RMND1: variants seen among roughly 807,000 people sequenced by gnomAD.
RMND1 encodes the protein required for meiotic nuclear division protein 1 homolog.
A neutral mutation model predicts 54.0 loss-of-function variants in RMND1; 41 were observed. The observed-to-expected ratio is 0.76, with a 90% CI of 0.59 to 0.98. RMND1 has a LOEUF of 0.98. Among genes scored for constraint, RMND1 ranks in the 50% least tolerant of loss-of-function variants. The probability of loss-of-function intolerance (pLI) is 0.00; values close to 1 mark genes in which losing one functional copy is unlikely to be tolerated. For missense variants in RMND1, 457 were observed against 532.0 expected (o/e 0.86, Z 1.39); for synonymous variants, 183 against 181.7 (o/e 1.01, Z -0.06).
rs201067360 is a variant in RMND1, at chr6:151,407,164, CTG to C, written c.1201-1330_1201-1329del. Among the ~76,000 whole-genome samples the C allele has an allele frequency of 9.6e-3, 1,464 of 151,950 alleles. 24 individuals carry two copies. The highest frequency in any genetic ancestry group is 0.034 in the African/African-American group (1,401 of 41,420). On this transcript the variant is annotated intron_variant, in intron 10 of 11. Transcript: ENST00000444024. ...GTGAGATCCTGTCTCCAAAAAAAAACTGTCTTACTCACAGAACCACAGGACTA... is the reference window on the plus strand; with the variant it reads ...GTGAGATCCTGTCTCCAAAAAAAAACTCTTACTCACAGAACCACAGGACTA...
At chr6:151,433,096 G>A in intron 4 of RMND1, 59 bp downstream of exon 4, 1 of 1,038,512 alleles carries the variant, frequency 9.6e-7, no homozygotes, top group Non-Finnish European at 1.5e-6. Flanking sequence ...CACCTTTAAA[G>A]ACCACAATTA....
In RMND1 at chr6:151,405,116, C is replaced by A; in HGVS notation, c.*119G>T. On this transcript the variant is annotated 3_prime_UTR_variant, in exon 12 of 12. Coordinates refer to ENST00000444024, the MANE Select transcript of RMND1 (RefSeq NM_017909.4). Reference sequence around the variant, plus strand: ...GCTCCTGATCTCATCTCAAGCCACCCTTCTTGGCCTCCGAAAGTGCTGGGA... The same window carrying A: ...GCTCCTGATCTCATCTCAAGCCACCATTCTTGGCCTCCGAAAGTGCTGGGA... The A allele has an allele frequency of 3.7e-6, 3 of 813,506 alleles. No individual in the cohort carries two copies. The highest frequency in any genetic ancestry group is 2.6e-5 in the East Asian group (1 of 37,768). The allele number at this position is 813,506 out of a possible 1,614,324, so 50.4% of individuals were successfully genotyped here.
At chr6:151,427,055 G>A (rs950432794) in intron 6 of RMND1, among the ~76,000 whole-genome samples, 1 of 151,892 alleles carries the variant, frequency 6.6e-6, no homozygotes, top group African/African-American at 2.4e-5. Flanking sequence ...ACAGGTGTGA[G>A]CTACCACGCC....
At position 151,423,550 on chromosome 6, in the gene RMND1, A is replaced by G. The variant is rs770812215; in HGVS notation, c.912T>C (p.Ala304=). ...DLDDAILEKF[A]FSNALCLSVK... The stretch of plus-strand genomic sequence containing the variant: ...CAGAAAGGCATAGAGCATTGGAGAA[A>G]GCAAACTTCTCTAGAATGGCATCAT... The change falls in exon 7 of 12, where the codon GCT becomes GCC. Residue 304 remains alanine (A), a synonymous_variant. Transcript: ENST00000444024. The G allele has an allele frequency of 6.2e-7, 1 of 1,613,562 alleles. No individual in the cohort carries two copies. The highest frequency in any genetic ancestry group is 1.1e-5 in the South Asian group (1 of 91,068).
chr6:151,443,852 G>A (rs1034461065), intron 2 of RMND1, among the ~76,000 whole-genome samples: 1 of 152,204 alleles, frequency 6.6e-6, no homozygotes. Context: ...CCCAGGAGGA[G>A]TTCCTCTTTT....
At position 151,405,119 on chromosome 6, in the gene RMND1, C is replaced by A; in HGVS notation, c.*116G>T. ...CCTGATCTCATCTCAAGCCACCCTT[C>A]TTGGCCTCCGAAAGTGCTGGGATTA... On this transcript the variant is annotated 3_prime_UTR_variant, in exon 12 of 12. Transcript: ENST00000444024. 3 of 847,922 alleles carry A rather than the reference C, an allele frequency of 3.5e-6. No individual in the cohort carries two copies. Among genetic ancestry groups the A allele is most frequent in the South Asian group, 1.5e-5 (1 of 65,504 alleles). The allele number at this position is 847,922 out of a possible 1,614,324, so 52.5% of individuals were successfully genotyped here. A position where few individuals can be genotyped will look rare whatever the true frequency, so the allele number is the denominator to read the frequency against.
At chr6:151,407,402 C>T (rs1213472645) in intron 10 of RMND1, among the ~76,000 whole-genome samples, 1 of 152,124 alleles carries the variant, frequency 6.6e-6, no homozygotes, top group Non-Finnish European at 1.5e-5. Context: ...CTTCTCTCTT[C>T]AGACTACTGA....
intron 2 of RMND1, among the ~76,000 whole-genome samples, chr6:151,442,730 G>C (rs922363739): frequency 6.6e-6 from 1 of 150,574 alleles, no homozygotes; most frequent in South Asian, 2.1e-4. Context: ...TTTAGAAATG[G>C]GAGTCTTGCT....
At chr6:151,426,032 C>T (rs776671737) in intron 6 of RMND1, among the ~76,000 whole-genome samples, 7 of 151,456 alleles carry the variant, frequency 4.6e-5, no homozygotes, top group Non-Finnish European at 1.0e-4. Flanking sequence ...CAACCTCTGC[C>T]TCCCAGGTTC....
intron 2 of RMND1, among the ~76,000 whole-genome samples, chr6:151,438,610 C>A (rs1780682044): frequency 6.6e-6 from 1 of 152,100 alleles, no homozygotes; most frequent in Non-Finnish European, 1.5e-5. Flanking sequence ...AGAGATTTCA[C>A]ACAAAATCCA....
chr6:151,430,256 T>G lies in RMND1; in HGVS notation c.690-79A>C, dbSNP rs192929168. The G allele has an allele frequency of 1.6e-5, 16 of 992,434 alleles. No homozygotes were observed. In the Admixed American group the frequency reaches 2.0e-4, roughly 13 times the overall value. 61.5% of individuals were successfully genotyped at this position (992,434 alleles called of 1,614,324 possible). On this transcript the variant is annotated intron_variant, in intron 4 of 11. Transcript: ENST00000444024. The stretch of plus-strand genomic sequence containing the variant: ...AGGGTCGTATATAAAACCATGTAAC[T>G]TCTAGAATGTATACAGGATGCGATT...
chr6:151,447,172 C>T (rs548370643), intron 1 of RMND1, among the ~76,000 whole-genome samples: 35 of 152,090 alleles, frequency 2.3e-4, no homozygotes, highest in Middle Eastern at 6.8e-3. Context: ...CTCCCCATCT[C>T]GGGGAGGTAG....
intron 3 of RMND1, among the ~76,000 whole-genome samples, chr6:151,433,826 T>G (rs1302720989): frequency 3.0e-5 from 4 of 132,882 alleles, no homozygotes; most frequent in African/African-American, 5.1e-5. Context: ...AAAAAAAAAG[T>G]TTTTTTTTTG....
chr6:151,407,655 C>G (rs1357598224), intron 10 of RMND1, among the ~76,000 whole-genome samples: 1 of 152,146 alleles, frequency 6.6e-6, no homozygotes, highest in African/African-American at 2.4e-5. Context: ...TGCCTATAAT[C>G]ACAACACTTC....
At chr6:151,449,638 C>T (rs932664509) in intron 1 of RMND1, among the ~76,000 whole-genome samples, 1 of 151,840 alleles carries the variant, frequency 6.6e-6, no homozygotes, top group East Asian at 1.9e-4. Flanking sequence ...AGCCCTCTCC[C>T]TCTCCCTCCT....
intron 10 of RMND1, among the ~76,000 whole-genome samples, chr6:151,410,350 C>T (rs547661110): frequency 1.6e-4 from 24 of 152,120 alleles, no homozygotes; most frequent in Non-Finnish European, 2.6e-4. Flanking sequence ...CCACCGCACC[C>T]GGCCTGTTCC....
At chr6:151,428,464 A>G (rs907852563) in intron 5 of RMND1, among the ~76,000 whole-genome samples, 3 of 152,180 alleles carry the variant, frequency 2.0e-5, no homozygotes, top group African/African-American at 7.2e-5. Context: ...CACTTGTGCA[A>G]AGGTCTTCAT....
intron 2 of RMND1, 29 bp from the exon 3 acceptor site, chr6:151,436,583 G>T (rs1409327085): frequency 2.5e-6 from 4 of 1,610,026 alleles, no homozygotes; most frequent in African/African-American, 1.3e-5. Context: ...CATAACATGG[G>T]TTACCAAGAG....
intron 1 of RMND1, among the ~76,000 whole-genome samples, chr6:151,447,810 C>CTTT (rs869136474): frequency 6.7e-4 from 74 of 110,336 alleles, no homozygotes; most frequent in African/African-American, 2.2e-3. Flanking sequence ...TGAGTAAATT[C>CTTT]TTTTTTTTTT....
Sources: allele counts gnomAD v4.1 joint callset (sites outside exome capture counted in the v4.1 genomes callset), GRCh38; gene constraint gnomAD v4.1.1; transcripts MANE v1.5; gene names NCBI Gene and HGNC (gene_info 2026-07-23, HGNC 2026-07-21).